Variants in SAMD11 observed in about 807,000 individuals in gnomAD.
SAMD11 encodes the protein sterile alpha motif domain-containing protein 11.
SAMD11 carries 77 observed loss-of-function variants against 64.4 expected under a neutral mutation model. That is an observed-to-expected ratio of 1.20 (90% CI 0.99 to 1.44). SAMD11 has a LOEUF of 1.44. Among genes scored for constraint, SAMD11 ranks in the 40% most tolerant of loss-of-function variants. The probability of loss-of-function intolerance (pLI) is 0.00; values close to 1 mark genes in which losing one functional copy is unlikely to be tolerated. For synonymous variants in SAMD11, 658 were observed against 421.9 expected (o/e 1.56, Z -6.86); for missense variants, 1,402 against 943.3 (o/e 1.49, Z -6.37).
chr1:940,303 C>A (rs1557608181), intron 7 of SAMD11: 2 of 143,352 alleles, frequency 1.4e-5, no homozygotes, highest in Admixed American at 6.9e-5. Context: ...GCCGCCCCCC[C>A]CCCCCGCCCC....
chr1:939,597 CCCCCTGGG>C lies in SAMD11; in HGVS notation c.1195+186_1195+193del, dbSNP rs1207335336. ...CCTCTGCCACACGTCCTGCCCCATG[CCCCCTGGG>C]GCGGGCCACACCTCCATGTCCCCTA... On this transcript the variant is annotated intron_variant, in intron 7 of 13. Coordinates refer to ENST00000616016, the MANE Select transcript of SAMD11 (RefSeq NM_001385641.1). 74 of 875,400 alleles carry C rather than the reference CCCCCTGGG, an allele frequency of 8.5e-5. No individual in the cohort carries two copies. In the Middle Eastern group the frequency reaches 1.1e-3, roughly 13 times the overall value. 54.2% of individuals were successfully genotyped at this position (875,400 alleles called of 1,614,324 possible).
In SAMD11 at chr1:938,270, G is replaced by A. The variant is rs565133952; in HGVS notation, c.968-770G>A. On this transcript the variant is annotated intron_variant, in intron 5 of 13. Coordinates refer to ENST00000616016, the MANE Select transcript of SAMD11 (RefSeq NM_001385641.1). ...TGCCACCTGCTGGGCTGTGTTTGGG[G>A]CTGAAGCTGGACCTGGCCTGGGCCT... Among the ~76,000 whole-genome samples the A allele has an allele frequency of 7.3e-5, 11 of 151,238 alleles. No homozygotes were observed. The East Asian group carries it at 2.1e-3, about 29-fold the overall frequency.
In SAMD11 at chr1:935,885, TGCGACCCGCCGGTGAGGA is replaced by T; in HGVS notation, c.959_967+9del. ...CAGAGAGGCAGCCTGGAGATTGGCC[TGCGACCCGCCGGTGAGGA>T]GCACAGGGGGCCTGAGGGCGGGGTC... On this transcript the variant is annotated splice_donor_variant and splice_donor_5th_base_variant and coding_sequence_variant and intron_variant, in exon 5 of 14. Transcript: ENST00000616016. LOFTEE classifies it high-confidence loss of function. 1 of 1,612,036 alleles carries T rather than the reference TGCGACCCGCCGGTGAGGA, an allele frequency of 6.2e-7. No homozygotes were observed. The highest frequency in any genetic ancestry group is 8.5e-7 in the Non-Finnish European group (1 of 1,179,434).
At chr1:927,473 C>T (rs1054694421) in intron 2 of SAMD11, among the ~76,000 whole-genome samples, 5 of 152,192 alleles carry the variant, frequency 3.3e-5, no homozygotes, top group East Asian at 1.9e-4. Flanking sequence ...AGGTCCCTGC[C>T]CTGCGTGAGG....
rs1474686221 is a variant in SAMD11 at position 943,048 on chromosome 1, C to T, written c.2043C>T (p.Tyr681=). 16 of 1,533,006 alleles carry T rather than the reference C, an allele frequency of 1.0e-5. No individual in the cohort carries two copies. Among genetic ancestry groups the T allele is most frequent in the Admixed American group, 4.1e-5 (2 of 48,942 alleles). The allele number at this position is 1,533,006 out of a possible 1,614,324, so 95.0% of individuals were successfully genotyped here. ...PLGFPYAVSP[Y]FHTGAVGGLS... is the part of the protein sequence containing the mutation. ...GCTTCCCTTATGCCGTCAGCCCCTACTTCCACACAGGTGGGCACCCCCACA... is the reference window on the plus strand; with the variant it reads ...GCTTCCCTTATGCCGTCAGCCCCTATTTCCACACAGGTGGGCACCCCCACA... The change falls in exon 11 of 14, where the codon TAC becomes TAT. Residue 681 remains tyrosine (Y), a synonymous_variant. Coordinates refer to ENST00000616016, the MANE Select transcript of SAMD11 (RefSeq NM_001385641.1).
At chr1:935,977 C>G in intron 5 of SAMD11, 81 bp downstream of exon 5, 1 of 1,452,476 alleles carries the variant, frequency 6.9e-7, no homozygotes. Context: ...GCACCAGCAG[C>G]CTTGGCAGGC....
chr1:933,021 C>T (rs1641241826), intron 4 of SAMD11, among the ~76,000 whole-genome samples: 1 of 152,146 alleles, frequency 6.6e-6, no homozygotes, highest in South Asian at 2.1e-4. Flanking sequence ...CCTCCCCCTC[C>T]CCCTCTCCTT....
chr1:938,644 T>G (rs983021685), intron 5 of SAMD11, among the ~76,000 whole-genome samples: 1 of 151,956 alleles, frequency 6.6e-6, no homozygotes, highest in Non-Finnish European at 1.5e-5. Flanking sequence ...CATGTGACCC[T>G]GCACAGCCCG....
intron 2 of SAMD11, among the ~76,000 whole-genome samples, chr1:926,365 C>T (rs1640891689): frequency 6.6e-6 from 1 of 152,236 alleles, no homozygotes; most frequent in Non-Finnish European, 1.5e-5. Flanking sequence ...TGTGCCCTGT[C>T]ACCGCTTGGG....
rs939189359 is a variant in SAMD11, at chr1:928,258, G to A, written c.610-1897G>A. 1.8e-4 allele frequency among the ~76,000 whole-genome samples: 28 copies of A among 152,320 alleles called. No homozygotes were observed. The Middle Eastern group carries it at 0.01, about 56-fold the overall frequency. On this transcript the variant is annotated intron_variant, in intron 2 of 13. Coordinates refer to ENST00000616016, the MANE Select transcript of SAMD11 (RefSeq NM_001385641.1). Reference sequence around the variant, plus strand: ...ATACAAAAAATTAGCCGGGCGTGGTGGCGGGTGCCTGTAGTCCCAGCTACT... The same window carrying A: ...ATACAAAAAATTAGCCGGGCGTGGTAGCGGGTGCCTGTAGTCCCAGCTACT...
intron 4 of SAMD11, among the ~76,000 whole-genome samples, chr1:933,864 C>CAT (rs1557603425): frequency 7.0e-6 from 1 of 142,586 alleles, no homozygotes; most frequent in Admixed American, 6.7e-5. Context: ...TGCTTAGGGG[C>CAT]AGCCTTGGAT....
chr1:943,146 C>T (rs1222523804), intron 11 of SAMD11, 88 bp downstream of exon 11: 8 of 1,581,078 alleles, frequency 5.1e-6, no homozygotes, highest in Admixed American at 3.6e-5. Context: ...GAAAAATTCC[C>T]CTTAGGCACC....
At chr1:941,507 C>T (rs1450130251) in intron 8 of SAMD11, among the ~76,000 whole-genome samples, 2 of 151,964 alleles carry the variant, frequency 1.3e-5, no homozygotes. Context: ...GAGGCTGAGG[C>T]CCATCAGGGG....
At chr1:929,300 C>T (rs1013004708) in intron 2 of SAMD11, among the ~76,000 whole-genome samples, 1 of 152,230 alleles carries the variant, frequency 6.6e-6, no homozygotes, top group Non-Finnish European at 1.5e-5. Flanking sequence ...CACAGCTCCA[C>T]ACGCTCGTTC....
intron 4 of SAMD11, among the ~76,000 whole-genome samples, chr1:932,920 T>G (rs1301349977): frequency 1.3e-5 from 2 of 152,120 alleles, no homozygotes; most frequent in Non-Finnish European, 2.9e-5. Flanking sequence ...GGTGGGAAAA[T>G]GGGCAAGGGC....
At position 942,596 on chromosome 1, in the gene SAMD11, C is replaced by A. The variant is rs1353595929; in HGVS notation, c.1591C>A (p.Leu531Met). The A allele has an allele frequency of 7.0e-7, 1 of 1,434,556 alleles. No individual in the cohort carries two copies. The highest frequency in any genetic ancestry group is 9.1e-7 in the Non-Finnish European group (1 of 1,101,834). 88.9% of individuals were successfully genotyped at this position (1,434,556 alleles called of 1,614,324 possible). A position where few individuals can be genotyped will look rare whatever the true frequency, so the allele number is the denominator to read the frequency against. The change falls in exon 11 of 14, where the codon CTG (leucine) becomes ATG (methionine). Residue 531 changes from leucine to methionine, a missense_variant. By Grantham distance (15) the Leu-to-Met change is conservative (BLOSUM62 2). Coordinates refer to ENST00000616016, the MANE Select transcript of SAMD11 (RefSeq NM_001385641.1). ...LPADLLRQKELESARPQLLAP... is the reference protein window; with the variant it reads ...LPADLLRQKEMESARPQLLAP... Reference sequence around the variant, plus strand: ...CGCCGACCTCCTGCGGCAGAAGGAGCTGGAGAGCGCGCGCCCACAGCTGCT... The same window carrying A: ...CGCCGACCTCCTGCGGCAGAAGGAGATGGAGAGCGCGCGCCCACAGCTGCT...
chr1:939,267 C>A lies in SAMD11; in HGVS notation c.1058-8C>A, dbSNP rs1336064632. The A allele has an allele frequency of 6.3e-7, 1 of 1,590,740 alleles. No individual in the cohort carries two copies. The highest frequency in any genetic ancestry group is 8.6e-7 in the Non-Finnish European group (1 of 1,169,154). On this transcript the variant is annotated splice_region_variant and splice_polypyrimidine_tract_variant and intron_variant, in intron 6 of 13. Coordinates refer to ENST00000616016, the MANE Select transcript of SAMD11 (RefSeq NM_001385641.1). ...GAGAAACCTCTCACCCCGGGTCCTC[C>A]CCAGCAGAGGCGCTGCTGCTGCCGC...
chr1:935,532 C>T (rs867195240), intron 4 of SAMD11, among the ~76,000 whole-genome samples: 37 of 152,200 alleles, frequency 2.4e-4, no homozygotes, highest in Non-Finnish European at 2.1e-4. Context: ...ATAGACCCTC[C>T]CTGGAGCAGC....
intron 2 of SAMD11, among the ~76,000 whole-genome samples, chr1:927,542 C>T (rs1002972495): frequency 6.6e-6 from 1 of 152,194 alleles, no homozygotes; most frequent in African/African-American, 2.4e-5. Flanking sequence ...CCACACCCTT[C>T]CCCTAGGAAG....
Sources: gnomAD v4.1 joint callset for allele counts (sites outside exome capture counted in the v4.1 genomes callset) on GRCh38, gnomAD v4.1.1 for gene constraint, MANE v1.5 for transcripts, NCBI Gene and HGNC (gene_info 2026-07-23, HGNC 2026-07-21) for gene names.